The following AGBL1 variants were observed in gnomAD, a reference collection of about 807,000 sequenced individuals.
AGBL1 encodes AGBL carboxypeptidase 1, also known as cytosolic carboxypeptidase 4.
AGBL1 carries 130 observed loss-of-function variants against 118.9 expected under a neutral mutation model. The ratio of observed to expected loss-of-function variants is 1.09; its 90% CI spans 0.95 to 1.26. The LOEUF (loss-of-function observed/expected upper bound fraction) is 1.26. Ranked by LOEUF, AGBL1 falls within the 50% of genes most tolerant of loss-of-function variation. AGBL1 has a pLI of 0.00. For missense variants in AGBL1, 1,584 were observed against 1,298.1 expected, an observed-to-expected ratio of 1.22 and a Z score of -3.38; for synonymous variants, 555 against 478.9, an observed-to-expected ratio of 1.16 and a Z score of -2.08.
intron 22 of AGBL1, among the ~76,000 whole-genome samples, chr15:86,794,252 G>T (rs373727520): frequency 6.6e-6 from 1 of 152,192 alleles, no homozygotes; most frequent in Non-Finnish European, 1.5e-5. Context: ...CTATACAACA[G>T]AATATTATTC....
chr15:86,196,898 C>A (rs1025256604), intron 5 of AGBL1, among the ~76,000 whole-genome samples: 10 of 151,374 alleles, frequency 6.6e-5, no homozygotes, highest in South Asian at 4.2e-4. Flanking sequence ...CACACACACA[C>A]ACACACACAC....
chr15:86,815,475 T>C (rs1357257006), intron 22 of AGBL1, among the ~76,000 whole-genome samples: 1 of 152,064 alleles, frequency 6.6e-6, no homozygotes, highest in East Asian at 1.9e-4. Flanking sequence ...AGACCAATCA[T>C]TTTTGGCAAA....
intron 18 of AGBL1, among the ~76,000 whole-genome samples, chr15:86,491,277 G>C (rs1039030898): frequency 6.6e-6 from 1 of 152,122 alleles, no homozygotes; most frequent in African/African-American, 2.4e-5. Flanking sequence ...GTGCGAAACA[G>C]CATGGTATAT....
intron 5 of AGBL1, among the ~76,000 whole-genome samples, chr15:86,159,430 C>A (rs1367646311): frequency 6.6e-6 from 1 of 152,062 alleles, no homozygotes; most frequent in Non-Finnish European, 1.5e-5. Flanking sequence ...TAAATATAAT[C>A]CTCAAAAGAC....
chr15:86,551,741 C>A (rs562256135), intron 20 of AGBL1, among the ~76,000 whole-genome samples: 2 of 152,134 alleles, frequency 1.3e-5, no homozygotes, highest in Admixed American at 1.3e-4. Context: ...AAAATGAGGG[C>A]ATCACAAGAA....
At position 86,554,530 on chromosome 15, in the gene AGBL1, C is replaced by T. The variant is rs1405729648; in HGVS notation, c.2987C>T (p.Pro996Leu). 3 of 1,526,822 alleles carry T rather than the reference C, an allele frequency of 2.0e-6. No homozygotes were observed. The highest frequency in any genetic ancestry group is 2.8e-5 in the African/African-American group (2 of 71,084). The allele number at this position is 1,526,822 out of a possible 1,614,324, so 94.6% of individuals were successfully genotyped here. A position where few individuals can be genotyped will look rare whatever the true frequency, so the allele number is the denominator to read the frequency against. Residue 996 changes from proline to leucine, a missense_variant, in exon 21 of 23, where the codon CCT becomes CTT. Transcript: ENST00000614907. ...AGCTACTGTGGCTGCAACCAGGGCC[C>T]TTATCAGGTATGTGAGGCTGCAGGA... is the stretch of plus-strand genomic sequence containing the variant. ...ESSYCGCNQG[P>L]YQGLQFGTRE... is the part of the protein sequence containing the mutation.
chr15:86,971,988 C>T lies in AGBL1; in HGVS notation c.3222-15999C>T, dbSNP rs183176376. Among the ~76,000 whole-genome samples, 180 of 152,100 alleles carry T rather than the reference C, an allele frequency of 1.2e-3. 1 individual carries two copies. Among genetic ancestry groups the T allele is most frequent in the Admixed American group, 3.5e-3 (53 of 15,248 alleles). On this transcript the variant is annotated intron_variant, in intron 23 of 24. Transcript: ENST00000441037. ...GAAGAAGGGGCCTGCTTCCCCTTCA[C>T]CTTCTGCCATGATTCTAAGTTCCCT...
intron 22 of AGBL1, among the ~76,000 whole-genome samples, chr15:86,860,470 C>A (rs1302387240): frequency 6.6e-6 from 1 of 151,224 alleles, no homozygotes; most frequent in East Asian, 1.9e-4. Flanking sequence ...ACAATTTCTT[C>A]CTCTTTCCTA....
intron 13 of AGBL1, 113 bp from the exon 14 acceptor site, chr15:86,269,806 G>A (rs1177398287): frequency 1.7e-5 from 21 of 1,232,702 alleles, no homozygotes; most frequent in Non-Finnish European, 2.1e-5. Context: ...AGCTGGCTGA[G>A]ATCCTGGGTC....
chr15:86,755,514 C>A (rs2077923728), intron 22 of AGBL1, among the ~76,000 whole-genome samples: 1 of 152,098 alleles, frequency 6.6e-6, no homozygotes, highest in Non-Finnish European at 1.5e-5. Context: ...TTTCCTGAGT[C>A]TTTTCTGTTT....
chr15:86,980,909 CAG>C (rs2081226139), intron 23 of AGBL1, among the ~76,000 whole-genome samples: 1 of 79,224 alleles, frequency 1.3e-5, no homozygotes, highest in Non-Finnish European at 2.4e-5. Context: ...TTTTTTGAGA[CAG>C]AGTCTTGCTC....
chr15:87,005,897 A>T (rs748068714), intron 24 of AGBL1, among the ~76,000 whole-genome samples: 3 of 152,102 alleles, frequency 2.0e-5, no homozygotes, highest in African/African-American at 7.2e-5. Context: ...TCTGTTGGTT[A>T]GTTTTCCTTT....
chr15:86,405,475 C>G (rs2142002002), intron 18 of AGBL1, among the ~76,000 whole-genome samples: 1 of 151,700 alleles, frequency 6.6e-6, no homozygotes, highest in African/African-American at 2.4e-5. Flanking sequence ...CAAGATCACA[C>G]CAGCCTGGGC....
rs557958363 is a variant in AGBL1, at chr15:86,575,957, T to C, written c.2994+21420T>C. On this transcript the variant is annotated intron_variant, in intron 21 of 22. Transcript: ENST00000614907. The stretch of plus-strand genomic sequence containing the variant: ...AATTCCAGAACTACACAAACATACA[T>C]ATACAAGAAAGTCATTGCTTGTTAG... Among the ~76,000 whole-genome samples the C allele has an allele frequency of 5.9e-5, 9 of 152,238 alleles. No homozygotes were observed. In the East Asian group the frequency reaches 1.7e-3, roughly 29 times the overall value.
intron 5 of AGBL1, among the ~76,000 whole-genome samples, chr15:86,209,003 A>T (rs529483042): frequency 6.6e-6 from 1 of 152,078 alleles, no homozygotes; most frequent in Admixed American, 6.6e-5. Flanking sequence ...CCCAGAGATT[A>T]TGGTATGTTG....
chr15:86,217,117 T>G (rs1348103874), intron 5 of AGBL1, among the ~76,000 whole-genome samples: 1 of 152,240 alleles, frequency 6.6e-6, no homozygotes, highest in Non-Finnish European at 1.5e-5. Context: ...TTTCTTTTTT[T>G]CCCCATGGCA....
chr15:86,743,183 G>A (rs187655195), intron 22 of AGBL1, among the ~76,000 whole-genome samples: 6 of 152,004 alleles, frequency 3.9e-5, no homozygotes, highest in East Asian at 1.9e-4. Flanking sequence ...TATTTATTTC[G>A]ATAGTTTTAT....
chr15:86,350,880 A>G (rs950677410), intron 17 of AGBL1, among the ~76,000 whole-genome samples: 2 of 152,216 alleles, frequency 1.3e-5, no homozygotes, highest in African/African-American at 4.8e-5. Flanking sequence ...GCCCTAATGG[A>G]AAATGTGTTA....
intron 1 of AGBL1, among the ~76,000 whole-genome samples, chr15:86,081,125 C>G (rs185279089): frequency 7.6e-4 from 115 of 152,270 alleles, no homozygotes; most frequent in Non-Finnish European, 1.3e-3. Context: ...CTCACTACAA[C>G]TTTTGCCTCC....
Sources: gnomAD v4.1 joint callset for allele counts (sites outside exome capture counted in the v4.1 genomes callset) on GRCh38, gnomAD v4.1.1 for gene constraint, MANE v1.5 for transcripts, NCBI Gene and HGNC (gene_info 2026-07-23, HGNC 2026-07-21) for gene names.